NCOR1: variants seen among roughly 807,000 people sequenced by gnomAD.
The protein encoded by NCOR1 is nuclear receptor corepressor 1.
A neutral mutation model predicts 288.1 loss-of-function variants in NCOR1; 63 were observed. That is an observed-to-expected ratio of 0.22 (90% CI 0.18 to 0.27). NCOR1 has a LOEUF of 0.27. Among genes scored for constraint, NCOR1 ranks in the 10% least tolerant of loss-of-function variants. The pLI, the probability that NCOR1 is intolerant of heterozygous loss-of-function variation, is 1.00. For missense variants in NCOR1, 2,397 were observed against 3,019.2 expected (o/e 0.79, Z 4.83); for synonymous variants, 1,007 against 1,065.9 (o/e 0.94, Z 1.08).
At chr17:16,043,551 C>T (rs548263329) in intron 42 of NCOR1, among the ~76,000 whole-genome samples, 16 of 152,316 alleles carry the variant, frequency 1.1e-4, no homozygotes, top group Admixed American at 2.6e-4. Flanking sequence ...CAACATAGTA[C>T]GCTACTGAAA....
At chr17:16,189,040 AAT>A (rs2087463923) in intron 2 of NCOR1, among the ~76,000 whole-genome samples, 1 of 152,046 alleles carries the variant, frequency 6.6e-6, no homozygotes, top group Admixed American at 6.6e-5. Flanking sequence ...AACAAAAAAA[AAT>A]AGTCAGTCCT....
Position 16,194,530 on chromosome 17 carries a change from T to A in NCOR1, c.40A>T (p.Ser14Cys). ...GGAGGATAACGACTTTGTTCTGTGC[T>A]GAATGCTCCTTGGTTGGGAGGATAA... ...SGYPPNQGAFSTEQSRYPPHS... is the reference protein window; with the variant it reads ...SGYPPNQGAFCTEQSRYPPHS... Residue 14 changes from serine (S) to cysteine (C), a missense_variant, in exon 2 of 46, where the codon AGC (serine) becomes TGC (cysteine). Transcript: ENST00000268712. 1 of 1,609,990 alleles carries A rather than the reference T, an allele frequency of 6.2e-7. No homozygotes were observed. The highest frequency in any genetic ancestry group is 8.5e-7 in the Non-Finnish European group (1 of 1,178,064).
In NCOR1 at chr17:16,147,549, T is replaced by C. The variant is rs553039938; in HGVS notation, c.910-1001A>G. On this transcript the variant is annotated intron_variant, in intron 9 of 45. Transcript: ENST00000268712. ...TTATGGACAAAGAACTGTCAACATA[T>C]CTGATGACACATGGACAGAGGAAAG... 5.3e-5 allele frequency among the ~76,000 whole-genome samples: 8 copies of C among 152,298 alleles called. No individual in the cohort carries two copies. The East Asian group carries it at 1.4e-3, about 26-fold the overall frequency.
rs1179362486 is a variant in NCOR1, at chr17:16,095,567, G to A, written c.2820+2800C>T. Among the ~76,000 whole-genome samples the A allele has an allele frequency of 5.9e-3, 705 of 120,154 alleles. 28 individuals are homozygous for A. Among genetic ancestry groups the A allele is most frequent in the African/African-American group, 0.021 (654 of 31,724 alleles). The allele number at this position is 120,154 out of a possible 152,430, so 78.8% of individuals were successfully genotyped here. A position where few individuals can be genotyped will look rare whatever the true frequency, so the allele number is the denominator to read the frequency against. ...GGGTCAGCCCCCCGCCCGGCCAGCC[G>A]CCCCGTACAGGAGGTGAGGGTCGCC... On this transcript the variant is annotated intron_variant, in intron 21 of 45. Transcript: ENST00000268712.
intron 14 of NCOR1, among the ~76,000 whole-genome samples, chr17:16,132,566 A>G (rs894388743): frequency 6.6e-6 from 1 of 152,238 alleles, no homozygotes; most frequent in Non-Finnish European, 1.5e-5. Context: ...AACTATAAAA[A>G]TGGGTTGGGG....
intron 43 of NCOR1, chr17:16,040,164 A>G (rs892416098): frequency 1.8e-5 from 10 of 557,450 alleles, no homozygotes; most frequent in Non-Finnish European, 3.0e-5. Flanking sequence ...CCACACTTCT[A>G]TTAAAGTTAC....
chr17:16,066,502 T>G (rs147302667), intron 32 of NCOR1, among the ~76,000 whole-genome samples: 1 of 152,226 alleles, frequency 6.6e-6, no homozygotes, highest in East Asian at 1.9e-4. Context: ...AAGAAACCAC[T>G]ACAAAATGAA....
intron 2 of NCOR1, among the ~76,000 whole-genome samples, chr17:16,186,981 A>C (rs1345707773): frequency 6.6e-6 from 1 of 152,156 alleles, no homozygotes; most frequent in Non-Finnish European, 1.5e-5. Flanking sequence ...TCTCAAACTC[A>C]TGTGTTCAAT....
Position 16,041,893 on chromosome 17 carries a change from T to C in NCOR1, c.6680-1399A>G, listed in dbSNP as rs961969435. Among the ~76,000 whole-genome samples, 116 of 152,270 alleles carry C rather than the reference T, an allele frequency of 7.6e-4. 1 individual carries two copies. Among genetic ancestry groups the C allele is most frequent in the South Asian group, 4.1e-4 (2 of 4,820 alleles). ...CTGGGACTACAGGCGCCCGCCACTATGCCTGGCTAATTTTTTACATTTTTA... is the reference window on the plus strand; with the variant it reads ...CTGGGACTACAGGCGCCCGCCACTACGCCTGGCTAATTTTTTACATTTTTA... On this transcript the variant is annotated intron_variant, in intron 42 of 45. Coordinates refer to ENST00000268712, the MANE Select transcript of NCOR1 (RefSeq NM_006311.4).
chr17:16,049,294 T>C (rs528470476), intron 40 of NCOR1: 23 of 188,258 alleles, frequency 1.2e-4, no homozygotes, highest in Non-Finnish European at 1.9e-4. Flanking sequence ...GCTCCGCATG[T>C]CCTTCAACAT....
chr17:16,148,350 G>A (rs142115881), intron 9 of NCOR1, among the ~76,000 whole-genome samples: 26 of 152,164 alleles, frequency 1.7e-4, no homozygotes, highest in African/African-American at 6.0e-4. Flanking sequence ...TGCCTTAGGT[G>A]TCCTCCTCAG....
intron 18 of NCOR1, among the ~76,000 whole-genome samples, chr17:16,110,198 A>C (rs2069736295): frequency 6.6e-6 from 1 of 152,182 alleles, no homozygotes; most frequent in Non-Finnish European, 1.5e-5. Context: ...CCTACAAAAA[A>C]TAAAAAAATT....
chr17:16,175,226 G>T (rs1440201210), intron 3 of NCOR1, among the ~76,000 whole-genome samples: 1 of 152,044 alleles, frequency 6.6e-6, no homozygotes, highest in Non-Finnish European at 1.5e-5. Flanking sequence ...ATGTTAGGCG[G>T]GCGTGGTGGT....
At chr17:16,178,473 T>A (rs1600015052) in intron 3 of NCOR1, among the ~76,000 whole-genome samples, 1 of 117,914 alleles carries the variant, frequency 8.5e-6, no homozygotes, top group Non-Finnish European at 1.6e-5. Flanking sequence ...CACTCCAGCC[T>A]GGGCAACAGA....
intron 4 of NCOR1, among the ~76,000 whole-genome samples, chr17:16,165,841 C>T (rs2081913530): frequency 6.6e-6 from 1 of 152,192 alleles, no homozygotes; most frequent in Non-Finnish European, 1.5e-5. Context: ...CACATCCACA[C>T]ACACCCTATT....
intron 1 of NCOR1, among the ~76,000 whole-genome samples, chr17:16,196,470 G>A (rs1215307669): frequency 6.6e-6 from 1 of 152,124 alleles, no homozygotes. Context: ...AGGCGTTCAA[G>A]ACCAGTCTGG....
chr17:16,146,267 C>G, intron 10 of NCOR1, 109 bp downstream of exon 10: 1 of 1,001,808 alleles, frequency 1.0e-6, no homozygotes, highest in African/African-American at 1.7e-5. Context: ...ATCCCCCTCT[C>G]CGAGAAACAC....
intron 6 of NCOR1, among the ~76,000 whole-genome samples, chr17:16,154,655 G>A (rs1325633008): frequency 6.6e-6 from 1 of 152,126 alleles, no homozygotes; most frequent in Non-Finnish European, 1.5e-5. Context: ...GGGCCAGGCG[G>A]GTAAGCATGT....
chr17:16,157,900 A>C (rs1273767312), intron 6 of NCOR1, among the ~76,000 whole-genome samples: 1 of 150,794 alleles, frequency 6.6e-6, no homozygotes, highest in African/African-American at 2.4e-5. Flanking sequence ...ATCCATGAAT[A>C]TTTTTAATTA....
Sources: allele counts gnomAD v4.1 joint callset (sites outside exome capture counted in the v4.1 genomes callset), GRCh38; gene constraint gnomAD v4.1.1; transcripts MANE v1.5; gene names NCBI Gene and HGNC (gene_info 2026-07-23, HGNC 2026-07-21).